The following CMBL variants were observed in gnomAD, a reference collection of about 807,000 sequenced individuals.
The protein encoded by CMBL is carboxymethylenebutenolidase homolog (Pseudomonas).
A neutral mutation model predicts 28.7 loss-of-function variants in CMBL; 17 were observed. The observed-to-expected ratio is 0.59, with a 90% confidence interval of 0.41 to 0.89. The LOEUF (loss-of-function observed/expected upper bound fraction) is 0.89, where lower values mean the gene tolerates loss of function less well. CMBL is among the 40% of genes least tolerant of loss of function. The pLI, the probability that CMBL is intolerant of heterozygous loss-of-function variation, is 0.00. For synonymous variants in CMBL, 106 were observed against 101.6 expected, an observed-to-expected ratio of 1.04 and a Z score of -0.26; for missense variants, 310 against 298.5, an observed-to-expected ratio of 1.04 and a Z score of -0.28.
intron 1 of CMBL, among the ~76,000 whole-genome samples, chr5:10,302,026 A>G (rs1183283681): frequency 1.3e-5 from 2 of 152,162 alleles, no homozygotes; most frequent in African/African-American, 2.4e-5. Context: ...TTATTCTCCT[A>G]CAGGAGACGC....
chr5:10,302,124 C>T (rs1746911703), intron 1 of CMBL, among the ~76,000 whole-genome samples: 1 of 152,206 alleles, frequency 6.6e-6, no homozygotes, highest in Non-Finnish European at 1.5e-5. Flanking sequence ...GCCAAGTCCA[C>T]AATGGGCAGG....
chr5:10,288,530 C>A lies in CMBL; in HGVS notation c.216-1G>T. The A allele has an allele frequency of 6.2e-7, 1 of 1,600,378 alleles. No individual in the cohort carries two copies. Among genetic ancestry groups the A allele is most frequent in the South Asian group, 1.1e-5 (1 of 90,796 alleles). On this transcript the variant is annotated splice_acceptor_variant, in intron 2 of 5. Transcript: ENST00000296658. LOFTEE classifies it high-confidence loss of function. ...TACAAAGAAGTCTGGAACAATGGTT[C>A]TGCAAAATATGGACATGAATTGATC...
rs144392943 is a variant in CMBL, at chr5:10,284,960, G to A, written c.466+1394C>T. Among the ~76,000 whole-genome samples the A allele has an allele frequency of 4.1e-3, 621 of 150,832 alleles. 3 individuals carry two copies. The highest frequency in any genetic ancestry group is 0.015 in the African/African-American group (602 of 41,192). ...CCAAAAATGTATAAATTGCTATTTC[G>A]ATTTTAGAGTGTGTTTTCCTTGGCT... On this transcript the variant is annotated intron_variant, in intron 4 of 5. Transcript: ENST00000296658.
intron 1 of CMBL, among the ~76,000 whole-genome samples, chr5:10,293,676 A>G (rs1219050581): frequency 2.6e-5 from 4 of 152,282 alleles, no homozygotes; most frequent in African/African-American, 7.2e-5. Context: ...AGATGAATAC[A>G]TCAATAGAAC....
chr5:10,291,504 A>T (rs895116811), intron 1 of CMBL, among the ~76,000 whole-genome samples: 9 of 151,734 alleles, frequency 5.9e-5, no homozygotes, highest in African/African-American at 2.2e-4. Flanking sequence ...CTACTAAAAA[A>T]CAAAAAATTA....
rs553303220 is a variant in CMBL at position 10,277,620 on chromosome 5, A to G, written c.*2833T>C. Among the ~76,000 whole-genome samples the G allele has an allele frequency of 3.3e-5, 5 of 152,288 alleles. No individual in the cohort carries two copies. The South Asian group carries it at 8.3e-4, about 25-fold the overall frequency. On this transcript the variant is annotated 3_prime_UTR_variant, in exon 6 of 6. Transcript: ENST00000296658. ...TCTCTTTCCTTTTTTTAATGGGGCT[A>G]TAAGAAAATTTAAAATTACATACAT...
rs1241737257 is a variant in CMBL at position 10,279,831 on chromosome 5, CA to C, written c.*621del. The C allele has an allele frequency of 6.6e-6, 1 of 152,094 alleles. No individual in the cohort carries two copies. The highest frequency in any genetic ancestry group is 2.4e-5 in the African/African-American group (1 of 41,390). The allele number at this position is 152,094 out of a possible 1,614,324, so 9.4% of individuals were successfully genotyped here. A position where few individuals can be genotyped will look rare whatever the true frequency, so the allele number is the denominator to read the frequency against. Reference sequence around the variant, plus strand: ...CTGGGATTACAGGCGTGAGCCACCGCACCCGGCCTGTAGGTTTTAACTAATA... The same window carrying C: ...CTGGGATTACAGGCGTGAGCCACCGCCCCGGCCTGTAGGTTTTAACTAATA... On this transcript the variant is annotated 3_prime_UTR_variant, in exon 6 of 6. Coordinates refer to ENST00000296658, the MANE Select transcript of CMBL (RefSeq NM_138809.4).
At chr5:10,291,710 T>A (rs1014322387) in intron 1 of CMBL, among the ~76,000 whole-genome samples, 2 of 151,644 alleles carry the variant, frequency 1.3e-5, no homozygotes, top group African/African-American at 2.4e-5. Context: ...AATCCTCAAA[T>A]GTATACCATG....
intron 1 of CMBL, among the ~76,000 whole-genome samples, chr5:10,299,637 C>T (rs1306557957): frequency 2.7e-5 from 4 of 150,450 alleles, no homozygotes; most frequent in Non-Finnish European, 5.9e-5. Context: ...CCCAGGAGTT[C>T]GAGACCATCC....
chr5:10,286,790 G>C (rs1398462236), intron 3 of CMBL, among the ~76,000 whole-genome samples: 2 of 152,174 alleles, frequency 1.3e-5, no homozygotes, highest in Non-Finnish European at 2.9e-5. Flanking sequence ...GTCTTCCACA[G>C]CCTGGGGATG....
At chr5:10,292,828 A>AC (rs1036487071) in intron 1 of CMBL, among the ~76,000 whole-genome samples, 1 of 148,864 alleles carries the variant, frequency 6.7e-6, no homozygotes, top group African/African-American at 2.5e-5. Flanking sequence ...CTGTCTCACA[A>AC]AAAAAAAAAA....
At chr5:10,302,648 CCCT>C (rs1746920976) in intron 1 of CMBL, among the ~76,000 whole-genome samples, 1 of 151,594 alleles carries the variant, frequency 6.6e-6, no homozygotes, top group East Asian at 1.9e-4. Flanking sequence ...CCTCATTATT[CCCT>C]CCTCCATTGA....
At chr5:10,302,143 T>C (rs1746912590) in intron 1 of CMBL, among the ~76,000 whole-genome samples, 6 of 152,134 alleles carry the variant, frequency 3.9e-5, no homozygotes. Flanking sequence ...GGGCGAACAG[T>C]TTCTACCCTG....
rs1260631744 is a variant in CMBL, at chr5:10,277,875, T to G, written c.*2578A>C. On this transcript the variant is annotated 3_prime_UTR_variant, in exon 6 of 6. Coordinates refer to ENST00000296658, the MANE Select transcript of CMBL (RefSeq NM_138809.4). ...AGGATACAGCCACACCCTTGGTTCA[T>G]TCTCGCACGAATTTCAGACCTCCCA... 1.3e-5 allele frequency among the ~76,000 whole-genome samples: 2 copies of G among 152,234 alleles called. No individual in the cohort carries two copies. Among genetic ancestry groups the G allele is most frequent in the East Asian group, 3.8e-4 (2 of 5,202 alleles).
At chr5:10,283,416 C>T (rs1488005699) in intron 4 of CMBL, among the ~76,000 whole-genome samples, 2 of 152,160 alleles carry the variant, frequency 1.3e-5, no homozygotes, top group Non-Finnish European at 2.9e-5. Flanking sequence ...TATTTAGACT[C>T]GCACCAGACC....
At chr5:10,281,139 GA>G in intron 5 of CMBL, among the ~76,000 whole-genome samples, 1 of 152,270 alleles carries the variant, frequency 6.6e-6, no homozygotes, top group East Asian at 1.9e-4. Context: ...CAGGGAAATG[GA>G]AAAATGATAC....
chr5:10,305,729 G>A (rs188581880), intron 1 of CMBL, among the ~76,000 whole-genome samples: 61 of 152,122 alleles, frequency 4.0e-4, no homozygotes, highest in Middle Eastern at 3.4e-3. Flanking sequence ...ATGCCACCAC[G>A]CCTGGCTAAT....
intron 1 of CMBL, among the ~76,000 whole-genome samples, chr5:10,293,718 T>C (rs1011722791): frequency 6.6e-6 from 1 of 152,236 alleles, no homozygotes; most frequent in Non-Finnish European, 1.5e-5. Context: ...GACTCATGTG[T>C]ATTCATCCAG....
intron 3 of CMBL, among the ~76,000 whole-genome samples, chr5:10,286,755 C>T (rs954788789): frequency 1.3e-5 from 2 of 152,202 alleles, no homozygotes; most frequent in African/African-American, 4.8e-5. Context: ...GTCCAACTGC[C>T]TCACTCCCAG....
Sources: gnomAD v4.1 joint callset for allele counts (sites outside exome capture counted in the v4.1 genomes callset) on GRCh38, gnomAD v4.1.1 for gene constraint, MANE v1.5 for transcripts, NCBI Gene and HGNC (gene_info 2026-07-23, HGNC 2026-07-21) for gene names.